The following AAK1 variants were observed in gnomAD, a reference collection of about 807,000 sequenced individuals.
AAK1 encodes AP2 associated kinase 1.
In AAK1, 37 loss-of-function variants were observed where a neutral mutation model predicts 116.0. The ratio of observed to expected loss-of-function variants is 0.32; its 90% CI spans 0.25 to 0.42. AAK1 has a LOEUF of 0.42. Ranked by LOEUF, AAK1 falls within the 10% of genes least tolerant of loss-of-function variation. AAK1 has a pLI of 1.00. For missense variants in AAK1, 919 were observed against 1,170.6 expected, an observed-to-expected ratio of 0.79 and a Z score of 3.14; for synonymous variants, 458 against 439.9, an observed-to-expected ratio of 1.04 and a Z score of -0.51.
chr2:69,621,832 G>A (rs1400081886), intron 2 of AAK1, among the ~76,000 whole-genome samples: 2 of 152,186 alleles, frequency 1.3e-5, no homozygotes, highest in African/African-American at 4.8e-5. Flanking sequence ...CTGAAAGCCT[G>A]GAATCACTCT....
intron 5 of AAK1, among the ~76,000 whole-genome samples, chr2:69,535,085 C>T (rs1205131176): frequency 6.6e-6 from 1 of 152,226 alleles, no homozygotes; most frequent in African/African-American, 2.4e-5. Context: ...CCTCCTCGGC[C>T]TCATGCACCT....
intron 17 of AAK1, among the ~76,000 whole-genome samples, chr2:69,486,869 T>C (rs771359005): frequency 5.9e-5 from 9 of 152,094 alleles, no homozygotes; most frequent in Non-Finnish European, 2.9e-5. Flanking sequence ...TCCATCAATA[T>C]AGGAATATGA....
chr2:69,595,758 T>C (rs1673251711), intron 2 of AAK1, among the ~76,000 whole-genome samples: 1 of 152,224 alleles, frequency 6.6e-6, no homozygotes. Context: ...AGATTCTCAA[T>C]GGAGATGAAA....
At chr2:69,533,999 C>T (rs1348192635) in intron 5 of AAK1, among the ~76,000 whole-genome samples, 1 of 152,180 alleles carries the variant, frequency 6.6e-6, no homozygotes, top group East Asian at 1.9e-4. Flanking sequence ...CATATACACA[C>T]TTTAGGAATT....
chr2:69,638,615 C>CT (rs1481786418), intron 2 of AAK1, among the ~76,000 whole-genome samples: 1 of 152,178 alleles, frequency 6.6e-6, no homozygotes, highest in South Asian at 2.1e-4. Flanking sequence ...GAAATGTGTA[C>CT]TGATGAAAAT....
chr2:69,496,096 A>C lies in AAK1; in HGVS notation c.2270-16T>G. ...CTTTTTTCAGCTGGAGTTAGGTTGGAGGGGAAGGAGGAGTCAGGAGAGAAA... is the reference window on the plus strand; with the variant it reads ...CTTTTTTCAGCTGGAGTTAGGTTGGCGGGGAAGGAGGAGTCAGGAGAGAAA... On this transcript the variant is annotated splice_polypyrimidine_tract_variant and intron_variant, in intron 16 of 21. Transcript: ENST00000409085. 6.5e-7 allele frequency: 1 copy of C among 1,540,976 alleles called. No individual in the cohort carries two copies. Among genetic ancestry groups the C allele is most frequent in the Non-Finnish European group, 8.8e-7 (1 of 1,137,566 alleles).
Position 69,470,691 on chromosome 2 carries a change from GT to G in AAK1, c.*5177del. ...ACAACCCTGAGTCTGGTCATATCCA[GT>G]GTAGGCTGGCAGGCGTCTTATTCTC... is the stretch of plus-strand genomic sequence containing the variant. On this transcript the variant is annotated 3_prime_UTR_variant, in exon 22 of 22. Coordinates refer to ENST00000409085, the MANE Select transcript of AAK1 (RefSeq NM_014911.5). The G allele has an allele frequency of 1.0e-6, 1 of 985,470 alleles. No individual in the cohort carries two copies. The highest frequency in any genetic ancestry group is 1.2e-6 in the Non-Finnish European group (1 of 829,940). The allele number at this position is 985,470 out of a possible 1,614,324, so 61.0% of individuals were successfully genotyped here.
At chr2:69,544,342 G>T in intron 4 of AAK1, 94 bp downstream of exon 4, 1 of 891,740 alleles carries the variant, frequency 1.1e-6, no homozygotes. Context: ...ACATATCATA[G>T]AGTGCAGTGC....
intron 2 of AAK1, among the ~76,000 whole-genome samples, chr2:69,612,795 A>G (rs1674147014): frequency 6.6e-6 from 1 of 152,224 alleles, no homozygotes; most frequent in South Asian, 2.1e-4. Flanking sequence ...AAGCAAGTCA[A>G]TGACAATCTC....
intron 2 of AAK1, among the ~76,000 whole-genome samples, chr2:69,630,526 A>T (rs1675130544): frequency 6.6e-6 from 1 of 152,228 alleles, no homozygotes; most frequent in Non-Finnish European, 1.5e-5. Context: ...TACACCAGTC[A>T]CTGTGTGAAG....
intron 2 of AAK1, 49 bp from the exon 3 acceptor site, chr2:69,557,027 C>T (rs764273836): frequency 1.4e-6 from 2 of 1,449,152 alleles, no homozygotes; most frequent in South Asian, 2.3e-5. Flanking sequence ...TTCAAAAAGT[C>T]AGCCACATAA....
chr2:69,541,987 A>G lies in AAK1; in HGVS notation c.534+536T>C, dbSNP rs565669243. Among the ~76,000 whole-genome samples, 6 of 152,360 alleles carry G rather than the reference A, an allele frequency of 3.9e-5. No individual in the cohort carries two copies. In the East Asian group the frequency reaches 1.2e-3, roughly 29 times the overall value. The stretch of plus-strand genomic sequence containing the variant: ...AAAGAATGTCTCCCCCTGAAGAGAC[A>G]CTGTACATAAAACGTAGTAGAGTAC... On this transcript the variant is annotated intron_variant, in intron 5 of 21. Coordinates refer to ENST00000409085, the MANE Select transcript of AAK1 (RefSeq NM_014911.5).
chr2:69,482,750 T>C lies in AAK1; in HGVS notation c.2428A>G (p.Met810Val), dbSNP rs780837679. 3.1e-6 allele frequency: 5 copies of C among 1,613,778 alleles called. No individual in the cohort carries two copies. Among genetic ancestry groups the C allele is most frequent in the South Asian group, 2.2e-5 (2 of 91,070 alleles). ...TSLLLPDLLP[M>V]TDPFGSTSDA... Reference sequence around the variant, plus strand: ...GAAGTGCTACCAAAAGGATCTGTCATAGGCAAGAGGTCAGGGAGCAGAAGA... The same window carrying C: ...GAAGTGCTACCAAAAGGATCTGTCACAGGCAAGAGGTCAGGGAGCAGAAGA... The change falls in exon 18 of 22, where the codon ATG becomes GTG. Residue 810 changes from methionine to valine, a missense_variant. By Grantham distance (21) the Met-to-Val change is conservative (BLOSUM62 1). Transcript: ENST00000409085.
Position 69,467,825 on chromosome 2 carries a change from G to A in AAK1, c.*8044C>T. The A allele has an allele frequency of 1.0e-6, 1 of 985,430 alleles. No homozygotes were observed. The highest frequency in any genetic ancestry group is 1.2e-6 in the Non-Finnish European group (1 of 829,908). The allele number at this position is 985,430 out of a possible 1,614,324, so 61.0% of individuals were successfully genotyped here. A position where few individuals can be genotyped will look rare whatever the true frequency, so the allele number is the denominator to read the frequency against. On this transcript the variant is annotated 3_prime_UTR_variant, in exon 22 of 22. Coordinates refer to ENST00000409085, the MANE Select transcript of AAK1 (RefSeq NM_014911.5). ...AGTTTATTGGGAAACCAGTCACTTA[G>A]AGACATTACATTGTAAAGAGAATGT...
At position 69,573,126 on chromosome 2, in the gene AAK1, C is replaced by A. The variant is rs540070802; in HGVS notation, c.164-16148G>T. Among the ~76,000 whole-genome samples, 4 of 152,192 alleles carry A rather than the reference C, an allele frequency of 2.6e-5. No individual in the cohort carries two copies. The South Asian group carries it at 8.3e-4, about 32-fold the overall frequency. On this transcript the variant is annotated intron_variant, in intron 2 of 21. Coordinates refer to ENST00000409085, the MANE Select transcript of AAK1 (RefSeq NM_014911.5). The stretch of plus-strand genomic sequence containing the variant: ...AGATTGATAATAAATGGGTACCAGG[C>A]AAAACAGAACAGAGACAGAATGTGG...
chr2:69,632,491 A>G (rs187684922), intron 2 of AAK1, among the ~76,000 whole-genome samples: 1 of 152,390 alleles, frequency 6.6e-6, no homozygotes, highest in Admixed American at 6.5e-5. Context: ...AAGGTAGCAC[A>G]AATGACTGTT....
At chr2:69,490,373 G>C (rs1164853111) in intron 17 of AAK1, among the ~76,000 whole-genome samples, 1 of 152,112 alleles carries the variant, frequency 6.6e-6, no homozygotes, top group Non-Finnish European at 1.5e-5. Flanking sequence ...GTTCACAGAG[G>C]CATCTCTCAC....
chr2:69,547,285 CT>C (rs1263777937), intron 3 of AAK1, among the ~76,000 whole-genome samples: 1 of 152,136 alleles, frequency 6.6e-6, no homozygotes, highest in Non-Finnish European at 1.5e-5. Context: ...AAATTAAAAA[CT>C]TGTGTTTCAA....
chr2:69,469,691 G>C lies in AAK1; in HGVS notation c.*6178C>G. On this transcript the variant is annotated 3_prime_UTR_variant, in exon 22 of 22. Coordinates refer to ENST00000409085, the MANE Select transcript of AAK1 (RefSeq NM_014911.5). Reference sequence around the variant, plus strand: ...TCTGCACAGGGTCTTACTTATCATAGAGCCTAACGTAGGGTTTTGTTATAA... The same window carrying C: ...TCTGCACAGGGTCTTACTTATCATACAGCCTAACGTAGGGTTTTGTTATAA... The C allele has an allele frequency of 1.0e-6, 1 of 985,426 alleles. No individual in the cohort carries two copies. The highest frequency in any genetic ancestry group is 1.2e-6 in the Non-Finnish European group (1 of 829,932). The allele number at this position is 985,426 out of a possible 1,614,324, so 61.0% of individuals were successfully genotyped here.
Sources: allele counts gnomAD v4.1 joint callset (sites outside exome capture counted in the v4.1 genomes callset), GRCh38; gene constraint gnomAD v4.1.1; transcripts MANE v1.5; gene names NCBI Gene and HGNC (gene_info 2026-07-23, HGNC 2026-07-21).